The following CENPS variants were observed in gnomAD, a reference collection of about 807,000 sequenced individuals.
The protein encoded by CENPS is centromere protein S.
CENPS carries 16 observed loss-of-function variants against 17.9 expected under a neutral mutation model. That is an observed-to-expected ratio of 0.90 (90% CI 0.61 to 1.36). The LOEUF (loss-of-function observed/expected upper bound fraction) is 1.36. Among genes scored for constraint, CENPS ranks in the 40% most tolerant of loss-of-function variants. The probability of loss-of-function intolerance (pLI) is 0.00; values close to 1 mark genes in which losing one functional copy is unlikely to be tolerated. For synonymous variants in CENPS, 49 were observed against 55.8 expected, an observed-to-expected ratio of 0.88 and a Z score of 0.54; for missense variants, 160 against 158.6, an observed-to-expected ratio of 1.01 and a Z score of -0.05.
intron 3 of CENPS, among the ~76,000 whole-genome samples, chr1:10,436,663 G>T (rs1332371826): frequency 6.8e-6 from 1 of 146,290 alleles, no homozygotes; most frequent in Non-Finnish European, 1.5e-5. Flanking sequence ...TCGAGATCGT[G>T]CCCCTTCACT....
At chr1:10,431,664 T>C (rs1238287661) in intron 1 of CENPS, among the ~76,000 whole-genome samples, 1 of 152,052 alleles carries the variant, frequency 6.6e-6, no homozygotes, top group Non-Finnish European at 1.5e-5. Context: ...GAGACCAGAC[T>C]GGCCAACATG....
chr1:10,440,453 G>A (rs767793277), intron 4 of CENPS, 40 bp downstream of exon 4: 28 of 1,608,034 alleles, frequency 1.7e-5, no homozygotes, highest in Middle Eastern at 1.7e-4. Flanking sequence ...CTTTCCCATC[G>A]GAATACATTA....
At chr1:10,438,537 G>C (rs967549440) in intron 3 of CENPS, among the ~76,000 whole-genome samples, 1 of 152,156 alleles carries the variant, frequency 6.6e-6, no homozygotes, top group Admixed American at 6.5e-5. Context: ...TATTCTATAG[G>C]AAATACATTC....
Position 10,433,913 on chromosome 1 carries a change from G to T in CENPS, c.123G>T (p.Gln41His). ...CEEVALDKEM[Q>H]FSKQTIAAIS... is the part of the protein sequence containing the mutation. ...AAGTTGCATTGGACAAAGAGATGCA[G>T]TTCAGCAAACAGACCATTGCGGCCA... The change falls in exon 2 of 5, where the codon CAG becomes CAT. Residue 41 changes from glutamine to histidine, a missense_variant. By Grantham distance (24) the Gln-to-His change is conservative. Coordinates refer to ENST00000309048, the MANE Select transcript of CENPS (RefSeq NM_199294.3). The T allele has an allele frequency of 6.2e-7, 1 of 1,614,240 alleles. No individual in the cohort carries two copies. Among genetic ancestry groups the T allele is most frequent in the Non-Finnish European group, 8.5e-7 (1 of 1,180,040 alleles).
At chr1:10,440,586 C>T (rs1193916215) in intron 4 of CENPS, among the ~76,000 whole-genome samples, 173 bp downstream of exon 4, 1 of 152,222 alleles carries the variant, frequency 6.6e-6, no homozygotes, top group African/African-American at 2.4e-5. Flanking sequence ...TATGATGGAT[C>T]TTGCTAAGCC....
chr1:10,439,443 C>G (rs897508846), intron 3 of CENPS, among the ~76,000 whole-genome samples: 1 of 152,098 alleles, frequency 6.6e-6, no homozygotes, highest in East Asian at 1.9e-4. Flanking sequence ...GAAGCAGACT[C>G]CAGTTTAAAG....
rs59257602 is a variant in CENPS, at chr1:10,437,758, A to ATTT, written c.210-2567_210-2565dup. 7.4e-3 allele frequency among the ~76,000 whole-genome samples: 907 copies of ATTT among 123,094 alleles called. 26 individuals are homozygous for ATTT. Among genetic ancestry groups the ATTT allele is most frequent in the African/African-American group, 0.027 (849 of 31,632 alleles). 80.8% of individuals were successfully genotyped at this position (123,094 alleles called of 152,430 possible). Reference sequence around the variant, plus strand: ...TGGCATGAGCCACTGTGCCTGGCCAATTTTTTTTTTTTTTTTTTTTTTTTG... The same window carrying ATTT: ...TGGCATGAGCCACTGTGCCTGGCCAATTTTTTTTTTTTTTTTTTTTTTTTTTTG... On this transcript the variant is annotated intron_variant, in intron 3 of 4. Transcript: ENST00000309048.
At chr1:10,438,400 C>T (rs768682076) in intron 3 of CENPS, among the ~76,000 whole-genome samples, 13 of 152,194 alleles carry the variant, frequency 8.5e-5, no homozygotes, top group Non-Finnish European at 1.5e-4. Flanking sequence ...CCACCTCGGC[C>T]TCCCAAAGTC....
intron 1 of CENPS, chr1:10,431,402 G>A (rs1557773152): frequency 6.5e-7 from 1 of 1,535,240 alleles, no homozygotes; most frequent in South Asian, 1.2e-5. Flanking sequence ...CAAGAACACG[G>A]TACAGAATGC....
At chr1:10,431,316 C>G (rs1320038992) in intron 1 of CENPS, 3 of 1,535,146 alleles carry the variant, frequency 2.0e-6, no homozygotes, top group Non-Finnish European at 1.7e-6. Flanking sequence ...GGAGTTTCCT[C>G]TCTACAAAGT....
chr1:10,440,652 A>G (rs780064302), intron 4 of CENPS, among the ~76,000 whole-genome samples: 7 of 152,206 alleles, frequency 4.6e-5, no homozygotes, highest in Non-Finnish European at 8.8e-5. Flanking sequence ...CTGTTTTTGT[A>G]ATACCTCAAA....
intron 3 of CENPS, among the ~76,000 whole-genome samples, chr1:10,439,913 G>C (rs2124284805): frequency 6.6e-6 from 1 of 152,284 alleles, no homozygotes. Flanking sequence ...GCCATCCTTT[G>C]TGGAGGTTCT....
At chr1:10,432,363 G>A (rs1639958469) in intron 1 of CENPS, among the ~76,000 whole-genome samples, 1 of 152,212 alleles carries the variant, frequency 6.6e-6, no homozygotes, top group Admixed American at 6.5e-5. Context: ...GAGATTACAG[G>A]TGTGAACCAC....
At chr1:10,437,487 C>T (rs1241672406) in intron 3 of CENPS, among the ~76,000 whole-genome samples, 6 of 118,346 alleles carry the variant, frequency 5.1e-5, no homozygotes, top group Admixed American at 2.0e-4. Flanking sequence ...GATGGAGTCT[C>T]ACTCTGTCGC....
At chr1:10,430,676 G>T in intron 1 of CENPS, 108 bp downstream of exon 1, 1 of 1,439,558 alleles carries the variant, frequency 6.9e-7, no homozygotes, top group South Asian at 1.4e-5. Context: ...CCCCGCCCCC[G>T]GGCGCCCCCC....
chr1:10,435,048 G>A (rs1241665627), intron 3 of CENPS, among the ~76,000 whole-genome samples: 1 of 152,196 alleles, frequency 6.6e-6, no homozygotes, highest in African/African-American at 2.4e-5. Context: ...GTGCCTGGGG[G>A]TGGCCGCCCC....
At chr1:10,436,546 A>G (rs992392539) in intron 3 of CENPS, among the ~76,000 whole-genome samples, 1 of 29,374 alleles carries the variant, frequency 3.4e-5, no homozygotes, top group African/African-American at 4.0e-4. Context: ...CTAAAATACA[A>G]AAAAAAAAAA....
In CENPS at chr1:10,430,460, C is replaced by T. The variant is rs1376120883; in HGVS notation, c.-58C>T. 3.9e-6 allele frequency: 6 copies of T among 1,525,344 alleles called. No homozygotes were observed. In the East Asian group the frequency reaches 1.1e-4, roughly 27 times the overall value. 94.5% of individuals were successfully genotyped at this position (1,525,344 alleles called of 1,614,324 possible). A position where few individuals can be genotyped will look rare whatever the true frequency, so the allele number is the denominator to read the frequency against. ...GCCGCGGCGGGAAAATCCGACCTGG[C>T]CGCGCACCACCGCCCCTTCTCGGCC... On this transcript the variant is annotated 5_prime_UTR_variant, in exon 1 of 5. Coordinates refer to ENST00000309048, the MANE Select transcript of CENPS (RefSeq NM_199294.3).
Position 10,442,466 on chromosome 1 carries a change from G to A in CENPS, c.*61G>A. ...GGTAGAGCCACCTAGAAATGCATAT[G>A]GCTGCAAAGGAAACTTTGAAGGGTT... On this transcript the variant is annotated 3_prime_UTR_variant, in exon 5 of 5. Coordinates refer to ENST00000309048, the MANE Select transcript of CENPS (RefSeq NM_199294.3). The A allele has an allele frequency of 1.4e-6, 2 of 1,451,406 alleles. No homozygotes were observed. The highest frequency in any genetic ancestry group is 1.8e-6 in the Non-Finnish European group (2 of 1,104,588). The allele number at this position is 1,451,406 out of a possible 1,614,324, so 89.9% of individuals were successfully genotyped here. A position where few individuals can be genotyped will look rare whatever the true frequency, so the allele number is the denominator to read the frequency against.
Sources: allele counts gnomAD v4.1 joint callset (sites outside exome capture counted in the v4.1 genomes callset), GRCh38; gene constraint gnomAD v4.1.1; transcripts MANE v1.5; gene names NCBI Gene and HGNC (gene_info 2026-07-23, HGNC 2026-07-21).